ARHGEF4: variants seen among roughly 807,000 people sequenced by gnomAD.
The protein encoded by ARHGEF4 is Rho guanine nucleotide exchange factor 4.
A neutral mutation model predicts 162.0 loss-of-function variants in ARHGEF4; 119 were observed. The observed-to-expected ratio is 0.73, with a 90% CI of 0.63 to 0.86. The LOEUF (loss-of-function observed/expected upper bound fraction) is 0.86. Among genes scored for constraint, ARHGEF4 ranks in the 40% least tolerant of loss-of-function variants. The pLI, the probability that ARHGEF4 is intolerant of heterozygous loss-of-function variation, is 0.00. For missense variants in ARHGEF4, 2,488 were observed against 2,456.0 expected, an observed-to-expected ratio of 1.01 and a Z score of -0.28; for synonymous variants, 1,014 against 979.9, an observed-to-expected ratio of 1.03 and a Z score of -0.65.
intron 1 of ARHGEF4, among the ~76,000 whole-genome samples, chr2:130,905,465 A>G (rs1222419330): frequency 3.3e-5 from 5 of 152,236 alleles, no homozygotes; most frequent in Non-Finnish European, 7.3e-5. Context: ...TCTTCCCTAC[A>G]GGAACTCTTA....
intron 4 of ARHGEF4, among the ~76,000 whole-genome samples, chr2:131,014,707 C>G (rs560094112): frequency 7.9e-5 from 12 of 152,192 alleles, no homozygotes; most frequent in Non-Finnish European, 1.5e-4. Flanking sequence ...TCTTCTCTGG[C>G]ATTTTAAAAG....
intron 4 of ARHGEF4, among the ~76,000 whole-genome samples, chr2:131,003,615 C>T (rs1202765709): frequency 1.3e-5 from 2 of 152,132 alleles, no homozygotes; most frequent in Admixed American, 6.6e-5. Flanking sequence ...AAGATGGCCC[C>T]GCAGTACGTG....
chr2:130,877,893 T>C (rs1337830971), intron 1 of ARHGEF4, among the ~76,000 whole-genome samples: 1 of 152,194 alleles, frequency 6.6e-6, no homozygotes, highest in Non-Finnish European at 1.5e-5. Flanking sequence ...CTTTAACCAG[T>C]GTATCACCAG....
chr2:130,868,826 T>C (rs188668863), intron 1 of ARHGEF4, among the ~76,000 whole-genome samples: 241 of 152,238 alleles, frequency 1.6e-3, no homozygotes, highest in South Asian at 2.9e-3. Context: ...TGTGGGCTGG[T>C]TCGTTCTGGA....
chr2:131,024,751 T>C (rs78915814), intron 4 of ARHGEF4, among the ~76,000 whole-genome samples: 3,491 of 152,288 alleles, frequency 0.023, 130 homozygotes, highest in African/African-American at 0.079. Flanking sequence ...TATTGTATCT[T>C]AGATTTGCCC....
chr2:130,837,046 G>A, intron 1 of ARHGEF4, 54 bp downstream of exon 1: 1 of 1,223,992 alleles, frequency 8.2e-7, no homozygotes, highest in Non-Finnish European at 1.0e-6. Flanking sequence ...CTGCGCGGGT[G>A]GGGAGGAGCA....
At chr2:130,971,767 C>A (rs968769344) in intron 4 of ARHGEF4, among the ~76,000 whole-genome samples, 2 of 151,324 alleles carry the variant, frequency 1.3e-5, no homozygotes, top group Non-Finnish European at 2.9e-5. Flanking sequence ...GGATTGAAAT[C>A]TTAACAGTAT....
chr2:130,843,626 C>T (rs1173502311), intron 1 of ARHGEF4, among the ~76,000 whole-genome samples: 2 of 152,264 alleles, frequency 1.3e-5, no homozygotes, highest in Non-Finnish European at 2.9e-5. Flanking sequence ...CCTCCAGACC[C>T]TGCCTCTGCC....
At chr2:130,919,417 C>T (rs1305418671) in intron 2 of ARHGEF4, among the ~76,000 whole-genome samples, 1 of 152,196 alleles carries the variant, frequency 6.6e-6, no homozygotes, top group Non-Finnish European at 1.5e-5. Flanking sequence ...TTTCCTCACA[C>T]CCCTCCAACT....
chr2:130,979,729 C>G (rs932058786), intron 4 of ARHGEF4, among the ~76,000 whole-genome samples: 4 of 82,008 alleles, frequency 4.9e-5, no homozygotes, highest in African/African-American at 1.1e-4. Context: ...AAGCAAGACT[C>G]CATCTAAAAA....
At chr2:130,961,751 C>A (rs1684636019) in intron 4 of ARHGEF4, among the ~76,000 whole-genome samples, 2 of 152,108 alleles carry the variant, frequency 1.3e-5, no homozygotes, top group African/African-American at 4.8e-5. Flanking sequence ...AGGTAGACCC[C>A]ACAAGACTTG....
intron 1 of ARHGEF4, among the ~76,000 whole-genome samples, chr2:130,856,975 C>G (rs1328645534): frequency 6.6e-6 from 1 of 152,174 alleles, no homozygotes; most frequent in Non-Finnish European, 1.5e-5. Context: ...GTAATCCCAG[C>G]ACTTTGGGAG....
chr2:130,956,212 T>G (rs1389826137), intron 4 of ARHGEF4, among the ~76,000 whole-genome samples: 3 of 152,128 alleles, frequency 2.0e-5, no homozygotes, highest in African/African-American at 2.4e-5. Context: ...AAAAGACACA[T>G]GAAAAAATGC....
chr2:131,040,060 G>A lies in ARHGEF4; in HGVS notation c.4350G>A (p.Leu1450=). 1 of 1,591,388 alleles carries A rather than the reference G, an allele frequency of 6.3e-7. No homozygotes were observed. The change falls in exon 7 of 14, where the codon CTG becomes CTA. Residue 1450 remains leucine, a synonymous_variant. Coordinates refer to ENST00000409359, the MANE Select transcript of ARHGEF4 (RefSeq NM_001367493.1). ...AGCCCGCGGATGACGACGCCCCTCT[G>A]GCCGGGAACAGCGGAGCGGAGGACG... ...QDEPADDDAP[L]AGNSGAEDGG...
intron 4 of ARHGEF4, 150 bp downstream of exon 4, chr2:130,946,785 G>A: frequency 9.0e-7 from 1 of 1,112,190 alleles, no homozygotes; most frequent in Non-Finnish European, 1.3e-6. Flanking sequence ...CTTCAGTTAG[G>A]GAGGAGTGCC....
intron 1 of ARHGEF4, among the ~76,000 whole-genome samples, chr2:130,864,345 A>G (rs945909800): frequency 6.6e-6 from 1 of 152,218 alleles, no homozygotes; most frequent in Non-Finnish European, 1.5e-5. Context: ...CAGCAGGTCT[A>G]TAGAGATAGA....
intron 4 of ARHGEF4, among the ~76,000 whole-genome samples, chr2:131,025,892 A>G (rs568061495): frequency 6.6e-6 from 1 of 152,228 alleles, no homozygotes; most frequent in African/African-American, 2.4e-5. Flanking sequence ...GCCCATGTGG[A>G]TAATCCAAGA....
intron 1 of ARHGEF4, among the ~76,000 whole-genome samples, chr2:130,911,462 A>T (rs935545357): frequency 6.6e-6 from 1 of 152,212 alleles, no homozygotes; most frequent in Non-Finnish European, 1.5e-5. Flanking sequence ...CCCTGGACTT[A>T]CATCACTTTA....
At chr2:130,985,608 A>T (rs1054001709) in intron 4 of ARHGEF4, among the ~76,000 whole-genome samples, 90 of 152,128 alleles carry the variant, frequency 5.9e-4, no homozygotes, top group African/African-American at 1.7e-3. Context: ...ATACTTCCTG[A>T]AAGTCCTTTC....
Sources: gnomAD v4.1 joint callset for allele counts (sites outside exome capture counted in the v4.1 genomes callset) on GRCh38, gnomAD v4.1.1 for gene constraint, MANE v1.5 for transcripts, NCBI Gene and HGNC (gene_info 2026-07-23, HGNC 2026-07-21) for gene names.